SEMA6D: variants seen among roughly 807,000 people sequenced by gnomAD.
SEMA6D encodes the protein semaphorin 6D, also known as semaphorin-6D.
SEMA6D carries 35 observed loss-of-function variants against 106.6 expected under a neutral mutation model. The ratio of observed to expected loss-of-function variants is 0.33; its 90% CI spans 0.25 to 0.44. The LOEUF is 0.44. SEMA6D is among the 20% of genes least tolerant of loss of function. The probability of loss-of-function intolerance (pLI) is 1.00; values close to 1 mark genes in which losing one functional copy is unlikely to be tolerated. For missense variants in SEMA6D, 1,185 were observed against 1,345.9 expected (o/e 0.88, Z 1.87); for synonymous variants, 499 against 487.7 (o/e 1.02, Z -0.31).
chr15:47,385,226 G>T (rs2039789911), intron 1 of SEMA6D, among the ~76,000 whole-genome samples: 1 of 151,798 alleles, frequency 6.6e-6, no homozygotes, highest in South Asian at 2.1e-4. Context: ...TTGTAATAAA[G>T]AATTCAAGAG....
At chr15:47,612,836 T>C (rs1233458105) in intron 4 of SEMA6D, among the ~76,000 whole-genome samples, 2 of 152,166 alleles carry the variant, frequency 1.3e-5, no homozygotes, top group Non-Finnish European at 2.9e-5. Flanking sequence ...TGAAATGATA[T>C]CAAACAATTG....
chr15:47,494,977 A>C (rs1450352527), intron 3 of SEMA6D, among the ~76,000 whole-genome samples: 1 of 151,206 alleles, frequency 6.6e-6, no homozygotes, highest in East Asian at 1.9e-4. Context: ...GGGGTTTTGT[A>C]GTAATGTTTA....
rs531252207 is a variant in SEMA6D at position 47,764,095 on chromosome 15, G to A, written c.965+28G>A. 4 of 1,613,402 alleles carry A rather than the reference G, an allele frequency of 2.5e-6. No homozygotes were observed. In the African/African-American group the frequency reaches 4.0e-5, roughly 16 times the overall value. On this transcript the variant is annotated intron_variant, in intron 10 of 18. Coordinates refer to ENST00000536845, the MANE Select transcript of SEMA6D (RefSeq NM_001358351.3). ...GAGAGCAGAACCCCGGCACTGCAAA[G>A]ATATTCTCTGCATGCCTGTCAGAAC...
At chr15:47,738,181 T>A (rs1283603813) in intron 1 of SEMA6D, among the ~76,000 whole-genome samples, 2 of 152,116 alleles carry the variant, frequency 1.3e-5, no homozygotes, top group Admixed American at 1.3e-4. Flanking sequence ...CCCTGGTGTG[T>A]GTTGTTCCCC....
At chr15:47,682,800 G>A (rs917781896) in intron 4 of SEMA6D, among the ~76,000 whole-genome samples, 2 of 152,116 alleles carry the variant, frequency 1.3e-5, no homozygotes, top group Non-Finnish European at 2.9e-5. Context: ...GAGTTCATTT[G>A]CCCGCAGTAC....
At chr15:47,196,538 G>A (rs900730312) in intron 1 of SEMA6D, among the ~76,000 whole-genome samples, 3 of 152,140 alleles carry the variant, frequency 2.0e-5, no homozygotes, top group African/African-American at 4.8e-5. Flanking sequence ...TTGGTTTGCT[G>A]TATGTTCCAT....
intron 1 of SEMA6D, among the ~76,000 whole-genome samples, chr15:47,211,644 G>T (rs931285388): frequency 2.0e-5 from 3 of 151,868 alleles, no homozygotes; most frequent in African/African-American, 7.3e-5. Context: ...TATAAGATTT[G>T]GAATCAAAAA....
chr15:47,278,228 A>C (rs1384879088), intron 1 of SEMA6D, among the ~76,000 whole-genome samples: 1 of 152,218 alleles, frequency 6.6e-6, no homozygotes, highest in Admixed American at 6.5e-5. Flanking sequence ...CAGTCCCACC[A>C]ACAGTGTAAA....
Position 47,505,071 on chromosome 15 carries a change from AG to A in SEMA6D, c.-87+34530del, listed in dbSNP as rs150565394. Among the ~76,000 whole-genome samples the A allele has an allele frequency of 9.9e-3, 1,501 of 152,184 alleles. 26 individuals carry two copies. The highest frequency in any genetic ancestry group is 0.035 in the African/African-American group (1,437 of 41,518). ...TCAGTGTGGCTGTTTGCGGAAGTGGAGGGGAGCAAGGCCAGGAGTAAGAGAG... is the reference window on the plus strand; with the variant it reads ...TCAGTGTGGCTGTTTGCGGAAGTGGAGGGAGCAAGGCCAGGAGTAAGAGAG... On this transcript the variant is annotated intron_variant, in intron 3 of 19. Coordinates refer to the SEMA6D transcript ENST00000558014.
chr15:47,411,238 G>C (rs563960195), intron 1 of SEMA6D, among the ~76,000 whole-genome samples: 1 of 152,190 alleles, frequency 6.6e-6, no homozygotes, highest in East Asian at 1.9e-4. Flanking sequence ...TGGGACTACA[G>C]GCGCTTGCCA....
chr15:47,311,947 T>G (rs2036464110), intron 1 of SEMA6D, among the ~76,000 whole-genome samples: 1 of 152,160 alleles, frequency 6.6e-6, no homozygotes, highest in South Asian at 2.1e-4. Context: ...AAGGAGACTT[T>G]CCAGTTTGCC....
intron 2 of SEMA6D, among the ~76,000 whole-genome samples, chr15:47,466,182 T>C (rs1186859064): frequency 3.3e-5 from 5 of 152,220 alleles, no homozygotes; most frequent in African/African-American, 9.6e-5. Flanking sequence ...ACTTCAGATG[T>C]ACTGTATATG....
rs759858769 is a variant in SEMA6D, at chr15:47,547,918, CTAAGT to C, written c.-86-52945_-86-52941del. ...CTCCATTTTCTCACCAACATTCATC[CTAAGT>C]TTAGTCCAGGAAGAGAATATTCTAG... On this transcript the variant is annotated intron_variant, in intron 3 of 19. Transcript: ENST00000558014. Among the ~76,000 whole-genome samples the C allele has an allele frequency of 3.9e-5, 6 of 152,258 alleles. No homozygotes were observed. In the East Asian group the frequency reaches 5.8e-4, roughly 15 times the overall value.
At chr15:47,207,986 C>CAT (rs1566926234) in intron 1 of SEMA6D, among the ~76,000 whole-genome samples, 2 of 68,518 alleles carry the variant, frequency 2.9e-5, no homozygotes, top group African/African-American at 1.1e-4. Flanking sequence ...TAGCCACTGG[C>CAT]GCGCGCGCAC....
At chr15:47,360,006 C>T (rs886871322) in intron 1 of SEMA6D, 5 of 152,074 alleles carry the variant, frequency 3.3e-5, no homozygotes, top group Admixed American at 6.5e-5. Flanking sequence ...TTGTGTTTTA[C>T]GTAGGCCTTC....
chr15:47,219,739 G>A (rs78185271), intron 1 of SEMA6D, among the ~76,000 whole-genome samples: 8 of 152,186 alleles, frequency 5.3e-5, no homozygotes, highest in Non-Finnish European at 1.2e-4. Flanking sequence ...CTCAAAAGCG[G>A]TGTTTGAAAA....
At chr15:47,728,063 CT>C (rs2079877156) in intron 1 of SEMA6D, among the ~76,000 whole-genome samples, 1 of 152,224 alleles carries the variant, frequency 6.6e-6, no homozygotes, top group Non-Finnish European at 1.5e-5. Flanking sequence ...TCATATTAAG[CT>C]TCTGTGTACC....
intron 1 of SEMA6D, among the ~76,000 whole-genome samples, chr15:47,320,246 G>T (rs773526385): frequency 6.6e-6 from 1 of 152,070 alleles, no homozygotes; most frequent in Non-Finnish European, 1.5e-5. Context: ...TCATATCCAA[G>T]GAGACCTCAT....
chr15:47,449,726 G>C (rs541324783), intron 2 of SEMA6D, among the ~76,000 whole-genome samples: 49 of 152,120 alleles, frequency 3.2e-4, no homozygotes, highest in Admixed American at 1.2e-3. Flanking sequence ...TCTCTTATCA[G>C]ACATCCTGGT....
Sources: gnomAD v4.1 joint callset for allele counts (sites outside exome capture counted in the v4.1 genomes callset) on GRCh38, gnomAD v4.1.1 for gene constraint, MANE v1.5 for transcripts, NCBI Gene and HGNC (gene_info 2026-07-23, HGNC 2026-07-21) for gene names.